Variants in TAF1 observed in about 807,000 individuals in gnomAD.
TAF1 encodes transcription initiation factor TFIID subunit 1.
Under a neutral mutation model 138.5 loss-of-function variants are expected in TAF1, and 2 were observed. The observed-to-expected ratio is 0.01, with a 90% confidence interval of 0.01 to 0.05. The LOEUF (loss-of-function observed/expected upper bound fraction) is 0.05, where lower values mean the gene tolerates loss of function less well. TAF1 is among the 10% of genes least tolerant of loss of function. The pLI is 1.00. For synonymous variants in TAF1, 437 were observed against 503.2 expected, an observed-to-expected ratio of 0.87 and a Z score of 1.76; for missense variants, 709 against 1,478.0, an observed-to-expected ratio of 0.48 and a Z score of 8.53.
rs780886182 is a variant in TAF1, at chrX:71,441,957, G to A, written c.4754-12213G>A. Among the ~76,000 whole-genome samples the A allele has an allele frequency of 1.6e-4, 18 of 109,652 alleles. No individual in the cohort carries two copies. The South Asian group carries it at 2.8e-3, about 17-fold the overall frequency. On this transcript the variant is annotated intron_variant, in intron 32 of 37. Transcript: ENST00000423759. Reference sequence around the variant, plus strand: ...CTTGTGATAGTTTGCTCAGAATGATGGTTTCCAGCTTCATCCATGTCCCTA... The same window carrying A: ...CTTGTGATAGTTTGCTCAGAATGATAGTTTCCAGCTTCATCCATGTCCCTA...
intron 36 of TAF1, 137 bp downstream of exon 36, chrX:71,459,845 G>A: frequency 9.4e-7 from 1 of 1,064,983 alleles, no homozygotes; most frequent in East Asian, 3.2e-5. Context: ...ATAGACCTGA[G>A]AGTACTGAGC....
intron 28 of TAF1, chrX:71,420,474 A>G: frequency 1.7e-6 from 2 of 1,207,678 alleles, no homozygotes; most frequent in Non-Finnish European, 2.2e-6. Context: ...AACATTGCCA[A>G]CATAGATGGA....
chrX:71,381,389 T>A (rs1371739600), intron 8 of TAF1, among the ~76,000 whole-genome samples: 1 of 111,638 alleles, frequency 9.0e-6, no homozygotes, highest in African/African-American at 3.3e-5. Context: ...CTCAGCCTCC[T>A]GAGTAGCTGG....
chrX:71,462,540 C>G (rs1274935714), intron 37 of TAF1, among the ~76,000 whole-genome samples: 1 of 111,302 alleles, frequency 9.0e-6, no homozygotes, highest in Non-Finnish European at 1.9e-5. Context: ...CCACTGTACT[C>G]CAGCCTGGTG....
intron 13 of TAF1, among the ~76,000 whole-genome samples, chrX:71,481,916 A>G (rs2039079944): frequency 8.9e-6 from 1 of 112,345 alleles, no homozygotes; most frequent in Non-Finnish European, 1.9e-5. Context: ...ATAAGTAACA[A>G]AAAACTTGAC....
At chrX:71,469,648 C>A (rs2038844048), downstream of TAF1, among the ~76,000 whole-genome samples, 2 of 109,711 alleles carry the variant, frequency 1.8e-5, no homozygotes, top group Non-Finnish European at 3.8e-5. Flanking sequence ...GTGATCCTCC[C>A]ACCTCAAGTG....
intron 28 of TAF1, 116 bp from the exon 29 acceptor site, chrX:71,421,193 A>G: frequency 3.3e-6 from 2 of 607,864 alleles, no homozygotes; most frequent in Non-Finnish European, 5.4e-6. Context: ...CCCATCAGTT[A>G]GCCTGGTGCC....
intron 13 of TAF1, among the ~76,000 whole-genome samples, chrX:71,474,426 G>A (rs2038944663): frequency 8.9e-6 from 1 of 111,757 alleles, no homozygotes; most frequent in East Asian, 2.8e-4. Flanking sequence ...TTCAATTAAA[G>A]CAATGACTGG....
At chrX:71,445,905 G>A (rs1266312126) in intron 32 of TAF1, among the ~76,000 whole-genome samples, 1 of 108,664 alleles carries the variant, frequency 9.2e-6, no homozygotes, top group African/African-American at 3.4e-5. Flanking sequence ...CTTGCAGACA[G>A]TTGTTCACTA....
chrX:71,420,486 CG>C (rs2036270704), intron 28 of TAF1: 2 of 1,202,688 alleles, frequency 1.7e-6, no homozygotes, highest in Admixed American at 4.3e-5. Context: ...ATAGATGGAA[CG>C]GGCATCGGCC....
chrX:71,440,611 T>C (rs1569350153), intron 32 of TAF1, among the ~76,000 whole-genome samples: 4 of 109,734 alleles, frequency 3.6e-5, no homozygotes, highest in African/African-American at 1.0e-4. Flanking sequence ...TCGTCACACT[T>C]ACGTCATCAT....
At chrX:71,394,626 G>A (rs1418566864) in intron 22 of TAF1, among the ~76,000 whole-genome samples, 1 of 112,623 alleles carries the variant, frequency 8.9e-6, no homozygotes, top group Non-Finnish European at 1.9e-5. Flanking sequence ...ATGTAAATGT[G>A]CATTTTATTA....
chrX:71,467,503 T>C (rs1205722987), downstream of TAF1, among the ~76,000 whole-genome samples: 6 of 112,163 alleles, frequency 5.3e-5, no homozygotes, highest in African/African-American at 1.3e-4. Context: ...CATTCACTTT[T>C]ATCATCCCAC....
intron 32 of TAF1, among the ~76,000 whole-genome samples, chrX:71,438,338 A>C (rs1027580481): frequency 1.8e-5 from 2 of 111,622 alleles, no homozygotes; most frequent in African/African-American, 6.5e-5. Flanking sequence ...TGCCTATTCT[A>C]GGTATGTCAT....
At chrX:71,475,652 G>A (rs769399140) in intron 13 of TAF1, among the ~76,000 whole-genome samples, 77 of 108,492 alleles carry the variant, frequency 7.1e-4, no homozygotes, top group Non-Finnish European at 1.3e-3. Flanking sequence ...CTTTTATGAA[G>A]AAAATAATGA....
intron 16 of TAF1, 72 bp from the exon 17 acceptor site, chrX:71,388,666 G>C: frequency 8.4e-7 from 1 of 1,191,001 alleles, no homozygotes; most frequent in South Asian, 1.8e-5. Context: ...TGCTGTCCCT[G>C]TTGCTGTCAA....
Position 71,378,440 on chromosome X carries a change from C to T in TAF1, c.1139C>T (p.Ser380Phe). 1.7e-6 allele frequency: 2 copies of T among 1,211,561 alleles called. No individual in the cohort carries two copies. The highest frequency in any genetic ancestry group is 2.2e-6 in the Non-Finnish European group (2 of 895,326). Residue 380 changes from serine to phenylalanine, a missense_variant, in exon 7 of 38, where the codon TCT (serine) becomes TTT (phenylalanine). Around this residue, in one of 14 missense-constraint regions of TAF1, gnomAD observed 201 missense variants for 421.3 expected, o/e 0.48. Transcript: ENST00000423759. ...ACAGAACATGAACCTGTGATAAAAT[C>T]TAGAATGATAGAGGTGAGCAACACT... ...RKTEHEPVIK[S>F]RMIEEFRKLE...
chrX:71,379,622 G>C (rs60823320), intron 8 of TAF1, among the ~76,000 whole-genome samples: 1 of 96,720 alleles, frequency 1.0e-5, no homozygotes, highest in African/African-American at 3.9e-5. Context: ...TTTTTGAGAC[G>C]GAGTCTTGCT....
At chrX:71,455,989 C>T (rs1014722979) in intron 34 of TAF1, among the ~76,000 whole-genome samples, 2 of 111,822 alleles carry the variant, frequency 1.8e-5, no homozygotes, top group African/African-American at 6.5e-5. Flanking sequence ...GATACTTCTT[C>T]AAGGTCCAGA....
Sources: allele counts gnomAD v4.1 joint callset (sites outside exome capture counted in the v4.1 genomes callset), GRCh38; gene constraint gnomAD v4.1.1; regional missense constraint gnomAD v4.1.1; transcripts MANE v1.5; gene names NCBI Gene and HGNC (gene_info 2026-07-23, HGNC 2026-07-21).